STYXL1: variants seen among roughly 807,000 people sequenced by gnomAD.
STYXL1 encodes the protein serine/threonine/tyrosine interacting like 1, also known as serine/threonine/tyrosine-interacting-like protein 1.
In STYXL1, 32 loss-of-function variants were observed where a neutral mutation model predicts 36.4. That is an observed-to-expected ratio of 0.88 (90% CI 0.66 to 1.18). The LOEUF (loss-of-function observed/expected upper bound fraction) is 1.18, where lower values mean the gene tolerates loss of function less well. Ranked by LOEUF, STYXL1 falls within the 50% of genes most tolerant of loss-of-function variation. The pLI is 0.00. For missense variants in STYXL1, 354 were observed against 394.1 expected (o/e 0.90, Z 0.86); for synonymous variants, 133 against 144.1 (o/e 0.92, Z 0.55).
At chr7:76,006,473 A>T (rs1168970262) in intron 5 of STYXL1, among the ~76,000 whole-genome samples, 7 of 151,892 alleles carry the variant, frequency 4.6e-5, no homozygotes, top group Non-Finnish European at 1.0e-4. Context: ...TATCATTAAA[A>T]CTTTCGTTTG....
chr7:75,997,044 G>T (rs1554564340), intron 8 of STYXL1, among the ~76,000 whole-genome samples: 1 of 152,228 alleles, frequency 6.6e-6, no homozygotes, highest in African/African-American at 2.4e-5. Flanking sequence ...AGTACAGGAA[G>T]TGTTGCTGCA....
At chr7:76,036,392 C>T (rs1396295529) in intron 1 of STYXL1, among the ~76,000 whole-genome samples, 3 of 150,152 alleles carry the variant, frequency 2.0e-5, no homozygotes, top group South Asian at 2.2e-4. Context: ...TGAGCCACCA[C>T]GCCTGGTCCC....
intron 5 of STYXL1, among the ~76,000 whole-genome samples, chr7:76,010,447 A>AC (rs1204575990): frequency 6.6e-6 from 1 of 151,118 alleles, no homozygotes; most frequent in African/African-American, 2.5e-5. Flanking sequence ...GGGGCAGGGG[A>AC]CGGGTCATGG....
At chr7:76,031,920 T>A (rs1340657989) in intron 1 of STYXL1, among the ~76,000 whole-genome samples, 9 of 152,122 alleles carry the variant, frequency 5.9e-5, no homozygotes, top group African/African-American at 1.9e-4. Flanking sequence ...AAGGTTATAG[T>A]CTAGCATGGA....
intron 5 of STYXL1, among the ~76,000 whole-genome samples, chr7:76,009,637 T>C (rs1352284171): frequency 5.9e-5 from 9 of 152,186 alleles, no homozygotes; most frequent in Non-Finnish European, 8.8e-5. Context: ...TCTTGATCTC[T>C]TGACCTCGTG....
chr7:76,028,307 T>C (rs1554578284), intron 3 of STYXL1, among the ~76,000 whole-genome samples: 1 of 152,172 alleles, frequency 6.6e-6, no homozygotes, highest in African/African-American at 2.4e-5. Context: ...GTGCTGGGAC[T>C]GCAGGCATGA....
chr7:75,999,793 G>T (rs370965712), intron 8 of STYXL1, among the ~76,000 whole-genome samples: 1 of 151,990 alleles, frequency 6.6e-6, no homozygotes, highest in Non-Finnish European at 1.5e-5. Flanking sequence ...TGATCTGCCC[G>T]CCTCGGCCTC....
rs982093663 is a variant in STYXL1 at position 76,047,858 on chromosome 7, T to G, written c.-201A>C. ...GGCGCTTCCAGCCTAAAGCCCGTCC[T>G]CTTCCACCTCTTGGGTGCAGACTGG... On this transcript the variant is annotated 5_prime_UTR_variant, in exon 1 of 9. Coordinates refer to ENST00000359697, the MANE Select transcript of STYXL1 (RefSeq NM_001317785.2). The G allele has an allele frequency of 7.6e-7, 1 of 1,311,174 alleles. No homozygotes were observed. The highest frequency in any genetic ancestry group is 9.9e-7 in the Non-Finnish European group (1 of 1,012,532). The allele number at this position is 1,311,174 out of a possible 1,614,324, so 81.2% of individuals were successfully genotyped here.
chr7:76,005,484 G>C (rs2116799760), intron 5 of STYXL1, 80 bp from the exon 6 acceptor site: 1 of 1,398,534 alleles, frequency 7.2e-7, no homozygotes, highest in Middle Eastern at 2.0e-4. Flanking sequence ...ACACAGCTCA[G>C]CAAACGAGCG....
intron 4 of STYXL1, among the ~76,000 whole-genome samples, chr7:76,018,844 G>A (rs1301725122): frequency 6.6e-6 from 1 of 152,170 alleles, no homozygotes; most frequent in Non-Finnish European, 1.5e-5. Flanking sequence ...AAGCTTTGGT[G>A]TGGATGTGTT....
At position 75,996,548 on chromosome 7, in the gene STYXL1, C is replaced by G; in HGVS notation, c.862G>C (p.Gly288Arg). 7 of 1,614,212 alleles carry G rather than the reference C, an allele frequency of 4.3e-6. No homozygotes were observed. The highest frequency in any genetic ancestry group is 5.9e-6 in the Non-Finnish European group (7 of 1,180,042). ...KCKNNMCPNR[G>R]LVSQLLEWEK... is the part of the protein sequence containing the mutation. ...CATTCCAGCAGCTGGCTCACCAATC[C>G]CCGATTTGGACACATGTTGTTTTTG... Residue 288 changes from glycine to arginine, a missense_variant, in exon 9 of 9, where the codon GGA becomes CGA. By Grantham distance (125) the Gly-to-Arg change is moderately radical (BLOSUM62 -2). Transcript: ENST00000359697.
chr7:76,008,525 C>G (rs138637469), intron 5 of STYXL1, among the ~76,000 whole-genome samples: 146 of 152,266 alleles, frequency 9.6e-4, no homozygotes, highest in African/African-American at 3.3e-3. Context: ...CTACCAGCTT[C>G]GAAAGCCATT....
intron 4 of STYXL1, among the ~76,000 whole-genome samples, chr7:76,019,275 T>C (rs1404687226): frequency 1.3e-5 from 2 of 149,594 alleles, no homozygotes; most frequent in Admixed American, 1.3e-4. Flanking sequence ...ACTCTAACTG[T>C]TTTTTTCTTT....
At chr7:76,019,927 C>CAA (rs58018497) in intron 4 of STYXL1, among the ~76,000 whole-genome samples, 13 of 82,342 alleles carry the variant, frequency 1.6e-4, no homozygotes, top group African/African-American at 3.2e-4. Context: ...GACCCTGACT[C>CAA]AAAAAAAAAA....
At chr7:76,000,218 CAAA>C (rs35153306) in intron 8 of STYXL1, among the ~76,000 whole-genome samples, 1 of 69,462 alleles carries the variant, frequency 1.4e-5, no homozygotes, top group African/African-American at 5.5e-5. Flanking sequence ...GACTCCATCT[CAAA>C]AAAAAAAAAA....
At chr7:75,997,221 C>G (rs1452611204) in intron 8 of STYXL1, among the ~76,000 whole-genome samples, 2 of 152,186 alleles carry the variant, frequency 1.3e-5, no homozygotes, top group Non-Finnish European at 2.9e-5. Context: ...CACCTGAGGT[C>G]AGGAGTTCGA....
chr7:76,024,248 A>G (rs1323483096), intron 3 of STYXL1, among the ~76,000 whole-genome samples: 2 of 152,206 alleles, frequency 1.3e-5, no homozygotes, highest in East Asian at 3.9e-4. Context: ...TCCCCTCAAA[A>G]AGGGGGAGGT....
intron 1 of STYXL1, among the ~76,000 whole-genome samples, chr7:76,039,596 A>G (rs988259384): frequency 6.6e-6 from 1 of 152,200 alleles, no homozygotes; most frequent in African/African-American, 2.4e-5. Flanking sequence ...GAGGAGGAGG[A>G]GACCAGGGCC....
At chr7:76,003,591 G>A (rs1028932880) in intron 7 of STYXL1, 167 bp downstream of exon 7, 19 of 613,928 alleles carry the variant, frequency 3.1e-5, no homozygotes, top group African/African-American at 1.7e-4. Context: ...GAAGTTGGAC[G>A]TGTCCTGGAG....
Sources: allele counts gnomAD v4.1 joint callset (sites outside exome capture counted in the v4.1 genomes callset), GRCh38; gene constraint gnomAD v4.1.1; transcripts MANE v1.5; gene names NCBI Gene and HGNC (gene_info 2026-07-23, HGNC 2026-07-21).